The following CDH23 variants were observed in gnomAD, a reference collection of about 807,000 sequenced individuals.
CDH23 encodes the protein cadherin-23.
Under a neutral mutation model 317.1 loss-of-function variants are expected in CDH23, and 189 were observed. That is an observed-to-expected ratio of 0.60 (90% confidence interval 0.53 to 0.67). The LOEUF is 0.67. Among genes scored for constraint, CDH23 ranks in the 30% least tolerant of loss-of-function variants. The pLI is 0.00. For synonymous variants in CDH23, 1,839 were observed against 1,876.8 expected (o/e 0.98, Z 0.52); for missense variants, 4,401 against 4,592.4 (o/e 0.96, Z 1.20).
At position 71,790,328 on chromosome 10, in the gene CDH23, GGA is replaced by G; in HGVS notation, c.5965_5966del (p.Asp1989CysfsTer22). ...TGCTCAATGGGCCCATCCTGGCCCT[GGA>G]TGCAGACCAAGACATCTACGCCGTG... ...TVLNGPILALDADQDIYAVVT... is the reference protein window; with the variant it reads ...TVLNGPILALXADQDIYAVVT... On this transcript the variant is annotated frameshift_variant, in exon 46 of 70. Coordinates refer to ENST00000224721, the MANE Select transcript of CDH23 (RefSeq NM_022124.6). LOFTEE classifies it high-confidence loss of function. The G allele has an allele frequency of 6.2e-7, 1 of 1,613,912 alleles. No individual in the cohort carries two copies. Among genetic ancestry groups the G allele is most frequent in the Non-Finnish European group, 8.5e-7 (1 of 1,179,882 alleles).
At chr10:71,741,460 C>A (rs1006748244) in intron 37 of CDH23, among the ~76,000 whole-genome samples, 5 of 152,180 alleles carry the variant, frequency 3.3e-5, no homozygotes, top group African/African-American at 1.2e-4. Flanking sequence ...GATGCCAGTA[C>A]CTAACTCACA....
intron 6 of CDH23, among the ~76,000 whole-genome samples, chr10:71,536,511 A>C (rs1855712365): frequency 6.6e-6 from 1 of 152,238 alleles, no homozygotes; most frequent in African/African-American, 2.4e-5. Flanking sequence ...GGCATGACAC[A>C]AATGAGAGTA....
chr10:71,598,963 A>C (rs1050697598), intron 9 of CDH23, among the ~76,000 whole-genome samples: 16 of 152,196 alleles, frequency 1.1e-4, no homozygotes, highest in Admixed American at 1.0e-3. Context: ...TGGGAGGATG[A>C]GGGCATTCTG....
chr10:71,781,116 T>C (rs934818381), intron 41 of CDH23, among the ~76,000 whole-genome samples: 19 of 152,010 alleles, frequency 1.2e-4, no homozygotes, highest in Non-Finnish European at 2.6e-4. Context: ...GAGACGGGTA[T>C]TTGGGAGTTG....
intron 18 of CDH23, 99 bp from the exon 19 acceptor site, chr10:71,687,548 C>G: frequency 9.3e-7 from 1 of 1,076,090 alleles, no homozygotes; most frequent in Middle Eastern, 2.0e-4. Flanking sequence ...TCTTTAGGGC[C>G]AGCCAGACCT....
At chr10:71,691,256 A>G (rs955762082) in intron 20 of CDH23, among the ~76,000 whole-genome samples, 8 of 152,224 alleles carry the variant, frequency 5.3e-5, no homozygotes, top group Non-Finnish European at 7.3e-5. Flanking sequence ...GCAGCAAGAG[A>G]TCCAGGCTTT....
chr10:71,606,242 G>A (rs1174430092), intron 9 of CDH23, among the ~76,000 whole-genome samples: 1 of 152,230 alleles, frequency 6.6e-6, no homozygotes, highest in Non-Finnish European at 1.5e-5. Context: ...ATGCCTGTAA[G>A]ACAAGCGGAC....
At chr10:71,647,084 T>C in intron 14 of CDH23, 1 of 985,392 alleles carries the variant, frequency 1.0e-6, no homozygotes, top group Non-Finnish European at 1.2e-6. Flanking sequence ...GTGTCATTTG[T>C]ATCTGTCAGT....
At chr10:71,593,417 A>T (rs1278740147) in intron 9 of CDH23, among the ~76,000 whole-genome samples, 1 of 152,240 alleles carries the variant, frequency 6.6e-6, no homozygotes, top group African/African-American at 2.4e-5. Context: ...ACCTTGTAGT[A>T]GGAAAGGACT....
At chr10:71,585,998 C>G (rs1055135997) in intron 9 of CDH23, among the ~76,000 whole-genome samples, 1 of 152,214 alleles carries the variant, frequency 6.6e-6, no homozygotes, top group Non-Finnish European at 1.5e-5. Flanking sequence ...GGGCAGGAGT[C>G]TGTCTCTGTC....
chr10:71,664,920 C>T (rs1022281604), intron 14 of CDH23, among the ~76,000 whole-genome samples: 1 of 151,442 alleles, frequency 6.6e-6, no homozygotes, highest in African/African-American at 2.4e-5. Context: ...TCTCCCCCAG[C>T]CCCCATCATC....
At chr10:71,544,049 G>T (rs1463165903) in intron 6 of CDH23, among the ~76,000 whole-genome samples, 1 of 152,216 alleles carries the variant, frequency 6.6e-6, no homozygotes, top group Non-Finnish European at 1.5e-5. Context: ...CCTCGTCCTC[G>T]TGGGGCAGGA....
intron 11 of CDH23, among the ~76,000 whole-genome samples, chr10:71,627,965 C>G (rs968297595): frequency 6.6e-6 from 1 of 152,178 alleles, no homozygotes; most frequent in Non-Finnish European, 1.5e-5. Context: ...GGTGCCCCTT[C>G]GTTGTGGGTG....
chr10:71,553,315 C>G (rs1856701480), intron 6 of CDH23, among the ~76,000 whole-genome samples: 1 of 152,166 alleles, frequency 6.6e-6, no homozygotes, highest in Non-Finnish European at 1.5e-5. Flanking sequence ...CTCAAACCCC[C>G]CGGCCCTCAC....
At chr10:71,748,147 C>G (rs1305925852) in intron 38 of CDH23, 1 of 151,268 alleles carries the variant, frequency 6.6e-6, no homozygotes, top group Non-Finnish European at 1.5e-5. Flanking sequence ...CCCCAGGGGC[C>G]AAGTTGGTGC....
intron 1 of CDH23, among the ~76,000 whole-genome samples, chr10:71,431,251 A>G (rs571958852): frequency 2.0e-5 from 3 of 152,288 alleles, no homozygotes; most frequent in East Asian, 3.9e-4. Context: ...CAGGCTTCAT[A>G]TGGGGGAGGC....
chr10:71,504,146 C>T (rs1386960161), intron 3 of CDH23, among the ~76,000 whole-genome samples: 1 of 152,020 alleles, frequency 6.6e-6, no homozygotes, highest in Non-Finnish European at 1.5e-5. Context: ...GTTGCCTAAC[C>T]GACCTCCAGA....
intron 3 of CDH23, among the ~76,000 whole-genome samples, chr10:71,461,428 G>A (rs2132061376): frequency 6.6e-6 from 1 of 152,348 alleles, no homozygotes; most frequent in South Asian, 2.1e-4. Flanking sequence ...TTAGGCTGGG[G>A]AAGCCTTTTC....
intron 1 of CDH23, among the ~76,000 whole-genome samples, chr10:71,431,942 C>T (rs1035985508): frequency 2.0e-5 from 3 of 152,214 alleles, no homozygotes; most frequent in African/African-American, 7.2e-5. Flanking sequence ...GTGTGCCTTG[C>T]TCCAGCAGAG....
Sources: allele counts gnomAD v4.1 joint callset (sites outside exome capture counted in the v4.1 genomes callset), GRCh38; gene constraint gnomAD v4.1.1; transcripts MANE v1.5; gene names NCBI Gene and HGNC (gene_info 2026-07-23, HGNC 2026-07-21).